CTNND2: variants seen among roughly 807,000 people sequenced by gnomAD.
CTNND2 encodes the protein catenin delta-2.
Under a neutral mutation model 144.4 loss-of-function variants are expected in CTNND2, and 22 were observed. The ratio of observed to expected loss-of-function variants is 0.15; its 90% CI spans 0.11 to 0.22. The LOEUF (loss-of-function observed/expected upper bound fraction) is 0.22. CTNND2 is among the 10% of genes least tolerant of loss of function. The probability of loss-of-function intolerance (pLI) is 1.00; values close to 1 mark genes in which losing one functional copy is unlikely to be tolerated. For missense variants in CTNND2, 1,353 were observed against 1,618.8 expected (o/e 0.84, Z 2.82); for synonymous variants, 751 against 695.6 (o/e 1.08, Z -1.25).
chr5:11,008,361 A>AC (rs1454582138), intron 18 of CTNND2, among the ~76,000 whole-genome samples: 1 of 152,036 alleles, frequency 6.6e-6, no homozygotes. Flanking sequence ...TATAAGAGAG[A>AC]TTTGGGGGGT....
intron 5 of CTNND2, among the ~76,000 whole-genome samples, chr5:11,400,301 T>C (rs1283679191): frequency 6.6e-6 from 1 of 152,154 alleles, no homozygotes; most frequent in Non-Finnish European, 1.5e-5. Context: ...AACAGGCTAT[T>C]GTCTTTAATG....
intron 3 of CTNND2, among the ~76,000 whole-genome samples, chr5:11,524,610 G>A (rs1773052086): frequency 6.6e-6 from 1 of 152,102 alleles, no homozygotes; most frequent in Non-Finnish European, 1.5e-5. Flanking sequence ...GGATGCTAGA[G>A]GCCTAAGGAA....
rs779988490 is a variant in CTNND2, at chr5:11,685,530, A to G, written c.174+46606T>C. The stretch of plus-strand genomic sequence containing the variant: ...TTGGGATATAACAATTCATTCAAGT[A>G]AAACAAATTCTTCTAACAATGGCTT... On this transcript the variant is annotated intron_variant, in intron 2 of 21. Transcript: ENST00000304623. 5.9e-5 allele frequency among the ~76,000 whole-genome samples: 9 copies of G among 152,216 alleles called. No individual in the cohort carries two copies. The East Asian group carries it at 1.2e-3, about 20-fold the overall frequency.
At chr5:11,004,171 A>G (rs1337732009) in intron 18 of CTNND2, among the ~76,000 whole-genome samples, 2 of 152,366 alleles carry the variant, frequency 1.3e-5, no homozygotes, top group East Asian at 3.9e-4. Flanking sequence ...AAATTGAAAT[A>G]AGACCATATC....
At chr5:11,709,255 C>T (rs1188029922) in intron 2 of CTNND2, among the ~76,000 whole-genome samples, 1 of 152,156 alleles carries the variant, frequency 6.6e-6, no homozygotes, top group Non-Finnish European at 1.5e-5. Context: ...TTTCACTCGG[C>T]TAATGGGCAG....
At chr5:11,661,106 T>C (rs1378155364) in intron 2 of CTNND2, among the ~76,000 whole-genome samples, 6 of 152,194 alleles carry the variant, frequency 3.9e-5, no homozygotes, top group Non-Finnish European at 8.8e-5. Flanking sequence ...CCGAATGGCC[T>C]AACATAGATA....
intron 1 of CTNND2, among the ~76,000 whole-genome samples, chr5:11,837,150 T>A (rs1314248523): frequency 4.6e-5 from 7 of 152,296 alleles, no homozygotes; most frequent in African/African-American, 1.4e-4. Context: ...AGAACACATG[T>A]CCGTTAAAGT....
chr5:11,182,768 G>A (rs150798832), intron 11 of CTNND2, among the ~76,000 whole-genome samples: 201 of 152,250 alleles, frequency 1.3e-3, no homozygotes, highest in African/African-American at 4.7e-3. Flanking sequence ...ACTTTCTGTG[G>A]CCTAATGATT....
rs1486725270 is a variant in CTNND2 at position 11,114,446 on chromosome 5, A to G, written c.2277+3004T>C. Among the ~76,000 whole-genome samples the G allele has an allele frequency of 3.9e-5, 6 of 152,166 alleles. No individual in the cohort carries two copies. The South Asian group carries it at 1.0e-3, about 26-fold the overall frequency. ...ACATTTATCTGTCATTTAAGCCTCC[A>G]GGAGTTCTGCAGTCTGGGTTGGTTT... On this transcript the variant is annotated intron_variant, in intron 13 of 21. Coordinates refer to ENST00000304623, the MANE Select transcript of CTNND2 (RefSeq NM_001332.4).
intron 2 of CTNND2, among the ~76,000 whole-genome samples, chr5:11,608,155 G>A (rs1780151292): frequency 6.6e-6 from 1 of 152,150 alleles, no homozygotes; most frequent in African/African-American, 2.4e-5. Context: ...GAAGAGTCCT[G>A]TTAGATTCTG....
intron 9 of CTNND2, among the ~76,000 whole-genome samples, chr5:11,244,753 T>C (rs1194222259): frequency 6.6e-6 from 1 of 152,190 alleles, no homozygotes; most frequent in South Asian, 2.1e-4. Context: ...CCCCAAACTG[T>C]ATCATAAACA....
At chr5:11,890,606 G>C (rs1736879756) in intron 1 of CTNND2, among the ~76,000 whole-genome samples, 1 of 152,134 alleles carries the variant, frequency 6.6e-6, no homozygotes, top group Non-Finnish European at 1.5e-5. Context: ...ATTAATGCTT[G>C]TCAGTTCCTA....
At chr5:11,004,908 A>G (rs1030423698) in intron 18 of CTNND2, among the ~76,000 whole-genome samples, 14 of 152,172 alleles carry the variant, frequency 9.2e-5, no homozygotes, top group African/African-American at 3.4e-4. Context: ...GTAAGTAGCT[A>G]GCACCATGCT....
intron 11 of CTNND2, among the ~76,000 whole-genome samples, chr5:11,187,589 G>C (rs899990043): frequency 2.0e-5 from 3 of 152,074 alleles, no homozygotes; most frequent in Non-Finnish European, 4.4e-5. Flanking sequence ...TGCCACAAAA[G>C]CAAAAATTGA....
At chr5:11,834,512 T>C (rs1378494440) in intron 1 of CTNND2, among the ~76,000 whole-genome samples, 1 of 152,170 alleles carries the variant, frequency 6.6e-6, no homozygotes, top group Non-Finnish European at 1.5e-5. Flanking sequence ...AATATATACA[T>C]GTAACAAAAC....
chr5:11,035,195 C>A (rs887686892), intron 16 of CTNND2, among the ~76,000 whole-genome samples: 2 of 152,100 alleles, frequency 1.3e-5, no homozygotes, highest in African/African-American at 4.8e-5. Context: ...TTTATTATTT[C>A]ACAGTTCTGC....
intron 12 of CTNND2, among the ~76,000 whole-genome samples, chr5:11,126,443 T>C (rs1580356239): frequency 6.6e-6 from 1 of 152,234 alleles, no homozygotes; most frequent in South Asian, 2.1e-4. Flanking sequence ...AGAGGAATCA[T>C]TCTAGGAAGA....
Position 11,903,461 on chromosome 5 carries a change from A to C in CTNND2, c.37+356T>G. The C allele has an allele frequency of 2.7e-6, 2 of 749,322 alleles. No individual in the cohort carries two copies. Among genetic ancestry groups the C allele is most frequent in the Non-Finnish European group, 3.3e-6 (2 of 605,160 alleles). The allele number at this position is 749,322 out of a possible 1,614,324, so 46.4% of individuals were successfully genotyped here. A position where few individuals can be genotyped will look rare whatever the true frequency, so the allele number is the denominator to read the frequency against. On this transcript the variant is annotated intron_variant, in intron 1 of 21. Coordinates refer to ENST00000304623, the MANE Select transcript of CTNND2 (RefSeq NM_001332.4). This position sits in a 1 kb window ranked among gnomAD's most constrained non-coding sequence, Gnocchi z 5.4. The stretch of plus-strand genomic sequence containing the variant: ...CCCCGTCTCCTCCCGTATATTAGGG[A>C]CGTCATGAATGCACCGAGTATGTTC...
At chr5:11,240,161 C>A (rs1194260003) in intron 9 of CTNND2, among the ~76,000 whole-genome samples, 9 of 137,212 alleles carry the variant, frequency 6.6e-5, no homozygotes, top group African/African-American at 2.5e-4. Flanking sequence ...CACATTCACA[C>A]ACACACCAAC....
Sources: allele counts gnomAD v4.1 joint callset (sites outside exome capture counted in the v4.1 genomes callset), GRCh38; gene constraint gnomAD v4.1.1; non-coding constraint Gnocchi (gnomAD v3.1); transcripts MANE v1.5; gene names NCBI Gene and HGNC (gene_info 2026-07-23, HGNC 2026-07-21).